Variants in NF1 observed in about 807,000 individuals in gnomAD.
NF1 encodes the protein neurofibromin.
Under a neutral mutation model 325.7 loss-of-function variants are expected in NF1, and 122 were observed. The ratio of observed to expected loss-of-function variants is 0.37; its 90% confidence interval spans 0.32 to 0.44. The LOEUF is 0.44. NF1 is among the 20% of genes least tolerant of loss of function. The probability of loss-of-function intolerance (pLI) is 1.00; values close to 1 mark genes in which losing one functional copy is unlikely to be tolerated. For missense variants in NF1, 2,140 were observed against 3,415.4 expected, an observed-to-expected ratio of 0.63 and a Z score of 9.31; for synonymous variants, 1,091 against 1,186.0, an observed-to-expected ratio of 0.92 and a Z score of 1.65.
intron 8 of NF1, among the ~76,000 whole-genome samples, chr17:31,186,503 C>T (rs947505917): frequency 6.6e-6 from 1 of 152,168 alleles, no homozygotes; most frequent in Non-Finnish European, 1.5e-5. Flanking sequence ...TATACTGATT[C>T]ATGGGCTGGA....
At chr17:31,144,163 G>C (rs1469175174) in intron 1 of NF1, among the ~76,000 whole-genome samples, 1 of 152,118 alleles carries the variant, frequency 6.6e-6, no homozygotes, top group Non-Finnish European at 1.5e-5. Flanking sequence ...ATTCTCACAA[G>C]TTTATTCTTC....
chr17:31,229,301 G>A lies in NF1; in HGVS notation c.2686G>A (p.Asp896Asn), dbSNP rs1189816828. 6.2e-7 allele frequency: 1 copy of A among 1,613,800 alleles called. No individual in the cohort carries two copies. The highest frequency in any genetic ancestry group is 8.5e-7 in the Non-Finnish European group (1 of 1,179,846). ...NADTPVSKFM[D>N]RLLSLMVCNH... ...AGATACACCTGTCAGCAAATTTATG[G>A]ATCGGCTGTTGTCCTTAATGGTGTG... The change falls in exon 21 of 58, where the codon GAT becomes AAT. Residue 896 changes from aspartate to asparagine, a missense_variant. This residue lies in a region of NF1 where 380 missense variants were observed against 639.3 expected (regional missense o/e 0.59). Coordinates refer to ENST00000358273, the MANE Select transcript of NF1 (RefSeq NM_001042492.3).
intron 1 of NF1, among the ~76,000 whole-genome samples, chr17:31,101,690 C>A (rs1196574115): frequency 6.6e-6 from 1 of 152,100 alleles, no homozygotes; most frequent in Admixed American, 6.6e-5. Flanking sequence ...TCCTGTCCAT[C>A]CTTCAATGTT....
At chr17:31,370,213 G>GAT (rs2070608207) in intron 57 of NF1, among the ~76,000 whole-genome samples, 1 of 152,128 alleles carries the variant, frequency 6.6e-6, no homozygotes. Flanking sequence ...AAAAGAAGTA[G>GAT]AATATCAACT....
chr17:31,195,068 A>G (rs2066410307), intron 8 of NF1, among the ~76,000 whole-genome samples: 1 of 152,156 alleles, frequency 6.6e-6, no homozygotes, highest in Non-Finnish European at 1.5e-5. Flanking sequence ...TTAGATAGAA[A>G]TCATTGTAAA....
intron 36 of NF1, among the ~76,000 whole-genome samples, chr17:31,267,818 A>T (rs1159695423): frequency 6.6e-6 from 1 of 152,120 alleles, no homozygotes; most frequent in Non-Finnish European, 1.5e-5. Flanking sequence ...TACCATCATC[A>T]TCCCTTCTAG....
At chr17:31,321,972 G>A (rs1295386084) in intron 36 of NF1, 2 of 152,206 alleles carry the variant, frequency 1.3e-5, no homozygotes, top group African/African-American at 2.4e-5. Flanking sequence ...TGAGTTTGGA[G>A]TCCATGGGAT....
chr17:31,257,963 C>G (rs1159711289), intron 31 of NF1, among the ~76,000 whole-genome samples: 1 of 152,038 alleles, frequency 6.6e-6, no homozygotes, highest in Non-Finnish European at 1.5e-5. Flanking sequence ...ATAAAGTTGA[C>G]CACACTTTCA....
chr17:31,359,046 G>T (rs2151586163), intron 56 of NF1, 31 bp downstream of exon 56: 1 of 1,593,974 alleles, frequency 6.3e-7, no homozygotes, highest in Non-Finnish European at 8.6e-7. Context: ...CTAACTTTTG[G>T]CAAAATGAAG....
chr17:31,131,144 C>T (rs1054700703), intron 1 of NF1, among the ~76,000 whole-genome samples: 10 of 152,188 alleles, frequency 6.6e-5, no homozygotes, highest in African/African-American at 1.7e-4. Flanking sequence ...GGGAGCAAGT[C>T]GAGCCTTGGG....
chr17:31,186,079 C>T (rs1435346404), intron 8 of NF1, among the ~76,000 whole-genome samples: 2 of 152,000 alleles, frequency 1.3e-5, no homozygotes, highest in East Asian at 1.9e-4. Context: ...CCCATCTAGC[C>T]GTAAAGTGGG....
chr17:31,283,134 A>G lies in NF1; in HGVS notation c.4835+17795A>G, dbSNP rs143210252. 2.4e-4 allele frequency among the ~76,000 whole-genome samples: 36 copies of G among 152,292 alleles called. No individual in the cohort carries two copies. In the East Asian group the frequency reaches 7.0e-3, roughly 30 times the overall value. Reference sequence around the variant, plus strand: ...ATTATTCAATGATAGTATTAAAACTAAGTCCGGACGCAGTGGATCACGCCT... The same window carrying G: ...ATTATTCAATGATAGTATTAAAACTGAGTCCGGACGCAGTGGATCACGCCT... On this transcript the variant is annotated intron_variant, in intron 36 of 57. Transcript: ENST00000358273.
intron 33 of NF1, 108 bp from the exon 34 acceptor site, chr17:31,260,261 T>C (rs990573200): frequency 7.8e-6 from 9 of 1,156,274 alleles, no homozygotes; most frequent in African/African-American, 6.1e-5. Flanking sequence ...AAGCCCTCCA[T>C]ATTTGTAATC....
At chr17:31,287,750 A>G (rs947576510) in intron 36 of NF1, among the ~76,000 whole-genome samples, 1 of 151,922 alleles carries the variant, frequency 6.6e-6, no homozygotes, top group African/African-American at 2.4e-5. Context: ...TTGTAGAGAC[A>G]GGGTTTGCCG....
intron 36 of NF1, among the ~76,000 whole-genome samples, chr17:31,310,434 G>A (rs970789499): frequency 1.3e-5 from 2 of 151,832 alleles, no homozygotes; most frequent in South Asian, 2.1e-4. Context: ...AGTTGGGGGT[G>A]GGGGGAGATG....
At chr17:31,184,339 A>G (rs2066192344) in intron 8 of NF1, among the ~76,000 whole-genome samples, 1 of 152,184 alleles carries the variant, frequency 6.6e-6, no homozygotes, top group African/African-American at 2.4e-5. Flanking sequence ...TCCTAAATTC[A>G]GTGGACAAAG....
At chr17:31,325,687 A>G (rs1051398554) in intron 36 of NF1, 133 bp from the exon 37 acceptor site, 4 of 742,616 alleles carry the variant, frequency 5.4e-6, no homozygotes, top group Non-Finnish European at 6.5e-6. Flanking sequence ...TAAAAAATGA[A>G]TCCAGACTTT....
intron 1 of NF1, among the ~76,000 whole-genome samples, chr17:31,109,271 A>T (rs893344553): frequency 6.6e-6 from 1 of 152,178 alleles, no homozygotes; most frequent in Admixed American, 6.6e-5. Context: ...TCTTGGATTC[A>T]TGTACACTTG....
chr17:31,356,395 T>C, intron 51 of NF1, 65 bp from the exon 52 acceptor site: 1 of 1,537,776 alleles, frequency 6.5e-7, no homozygotes, highest in Non-Finnish European at 9.0e-7. Context: ...ATTTTCTTTT[T>C]AGTGTATTCC....
Sources: allele counts gnomAD v4.1 joint callset (sites outside exome capture counted in the v4.1 genomes callset), GRCh38; gene constraint gnomAD v4.1.1; regional missense constraint gnomAD v4.1.1; transcripts MANE v1.5; gene names NCBI Gene and HGNC (gene_info 2026-07-23, HGNC 2026-07-21).